The following FAT1 variants were observed in gnomAD, a reference collection of about 807,000 sequenced individuals.
The protein encoded by FAT1 is protocadherin Fat 1.
A neutral mutation model predicts 329.8 loss-of-function variants in FAT1; 171 were observed. That is an observed-to-expected ratio of 0.52 (90% CI 0.46 to 0.59). The LOEUF is 0.59. Among genes scored for constraint, FAT1 ranks in the 20% least tolerant of loss-of-function variants. The pLI is 0.00. For missense variants in FAT1, 5,672 were observed against 5,774.4 expected (o/e 0.98, Z 0.57); for synonymous variants, 2,233 against 2,228.6 (o/e 1.00, Z -0.06).
At chr4:186,725,047 A>G (rs1745672438), upstream of FAT1, among the ~76,000 whole-genome samples, 1 of 152,196 alleles carries the variant, frequency 6.6e-6, no homozygotes, top group South Asian at 2.1e-4. The surrounding 1 kb of genome is among the most constrained non-coding windows in gnomAD (Gnocchi z 5.4). Flanking sequence ...TAATGCCTGC[A>G]AGATGAGTGT....
chr4:186,713,802 T>A (rs1745082343), intron 1 of FAT1, among the ~76,000 whole-genome samples: 1 of 152,176 alleles, frequency 6.6e-6, no homozygotes, highest in African/African-American at 2.4e-5. Context: ...CGTCTGTAGA[T>A]TTAGACTGAC....
chr4:186,639,533 G>C (rs1033362178), intron 4 of FAT1, among the ~76,000 whole-genome samples, 189 bp downstream of exon 4: 3 of 152,162 alleles, frequency 2.0e-5, no homozygotes, highest in Non-Finnish European at 4.4e-5. Flanking sequence ...GGTATTGAGG[G>C]ATAAAGGGGA....
intron 4 of FAT1, among the ~76,000 whole-genome samples, chr4:186,639,430 T>C (rs1393015586): frequency 6.6e-6 from 1 of 152,174 alleles, no homozygotes; most frequent in Admixed American, 6.5e-5. Context: ...CACATGACAC[T>C]GTTTATAGAT....
chr4:186,593,091 C>T (rs1738320624), intron 26 of FAT1, among the ~76,000 whole-genome samples: 1 of 152,180 alleles, frequency 6.6e-6, no homozygotes, highest in African/African-American at 2.4e-5. Context: ...ATCTTACAGG[C>T]AAGACTCGAC....
chr4:186,670,495 G>T (rs1303416904), intron 2 of FAT1, among the ~76,000 whole-genome samples: 1 of 152,132 alleles, frequency 6.6e-6, no homozygotes. Flanking sequence ...CACGGAAAAA[G>T]AAGAGACATA....
intron 2 of FAT1, among the ~76,000 whole-genome samples, chr4:186,690,823 G>A (rs749099933): frequency 1.1e-4 from 17 of 152,096 alleles, no homozygotes; most frequent in Non-Finnish European, 2.2e-4. Context: ...CTGTAAGGGT[G>A]GAATATACAC....
chr4:186,604,452 A>G lies in FAT1; in HGVS notation c.10473T>C (p.Val3491=). ...ATGTCAGGAGGACTCCTTGCGGGTT[A>G]ACTTCAAAAGCCTTCTCATCATTTC... The part of the protein sequence containing the change: ...VTGNDEKAFE[V]NPQGVLLTSS... The change falls in exon 18 of 27, where the codon GTT becomes GTC. Residue 3491 remains valine (V), a synonymous_variant. Coordinates refer to ENST00000441802, the MANE Select transcript of FAT1 (RefSeq NM_005245.4). 1 of 1,613,976 alleles carries G rather than the reference A, an allele frequency of 6.2e-7. No homozygotes were observed. Among genetic ancestry groups the G allele is most frequent in the Non-Finnish European group, 8.5e-7 (1 of 1,179,872 alleles).
chr4:186,650,642 T>G (rs1741594879), intron 3 of FAT1, among the ~76,000 whole-genome samples: 1 of 152,174 alleles, frequency 6.6e-6, no homozygotes, highest in African/African-American at 2.4e-5. Context: ...AAACTGTCCT[T>G]TCGATTTTAA....
intron 6 of FAT1, among the ~76,000 whole-genome samples, chr4:186,634,801 C>T (rs1260747098): frequency 6.6e-6 from 1 of 152,238 alleles, no homozygotes; most frequent in East Asian, 1.9e-4. Context: ...GCAAGCGTGT[C>T]TCCTGGCACA....
chr4:186,607,158 C>T (rs1224908868), intron 16 of FAT1, among the ~76,000 whole-genome samples: 1 of 152,192 alleles, frequency 6.6e-6, no homozygotes, highest in African/African-American at 2.4e-5. Flanking sequence ...CTATCTCCCC[C>T]CAAATTCCTT....
At chr4:186,692,943 T>C (rs2126662774) in intron 2 of FAT1, among the ~76,000 whole-genome samples, 1 of 152,324 alleles carries the variant, frequency 6.6e-6, no homozygotes, top group African/African-American at 2.4e-5. Context: ...ATAACTGGAA[T>C]TCTCCAATTC....
intron 2 of FAT1, among the ~76,000 whole-genome samples, chr4:186,671,432 T>A (rs902946269): frequency 1.3e-5 from 2 of 152,186 alleles, no homozygotes; most frequent in Non-Finnish European, 2.9e-5. Context: ...GCATGGTGGC[T>A]CATGCCTGTA....
At chr4:186,648,883 G>C (rs1272433285) in intron 3 of FAT1, among the ~76,000 whole-genome samples, 1 of 152,054 alleles carries the variant, frequency 6.6e-6, no homozygotes, top group Non-Finnish European at 1.5e-5. Context: ...CCTCAGTACA[G>C]GTGCTGACAG....
In FAT1 at chr4:186,619,988, G is replaced by C. The variant is rs2126511247; in HGVS notation, c.6598C>G (p.Pro2200Ala). ...EIAESIQVHSPVVHVQANSPE... is the reference protein window; with the variant it reads ...EIAESIQVHSAVVHVQANSPE... Reference sequence around the variant, plus strand: ...CTGTTAGCCTGCACGTGGACCACAGGGCTGTGCACCTGGATGCTCTCTGCA... The same window carrying C: ...CTGTTAGCCTGCACGTGGACCACAGCGCTGTGCACCTGGATGCTCTCTGCA... Residue 2200 changes from proline to alanine, a missense_variant, in exon 10 of 27, where the codon CCT becomes GCT. Physicochemically the swap from Pro to Ala is conservative, Grantham distance 27. Transcript: ENST00000441802. 1 of 1,613,956 alleles carries C rather than the reference G, an allele frequency of 6.2e-7. No individual in the cohort carries two copies. Among genetic ancestry groups the C allele is most frequent in the Non-Finnish European group, 8.5e-7 (1 of 1,179,884 alleles).
At position 186,619,181 on chromosome 4, in the gene FAT1, C is replaced by T; in HGVS notation, c.7405G>A (p.Asp2469Asn). 1 of 1,613,966 alleles carries T rather than the reference C, an allele frequency of 6.2e-7. No individual in the cohort carries two copies. The highest frequency in any genetic ancestry group is 8.5e-7 in the Non-Finnish European group (1 of 1,179,896). ...PFYSLNLSVS[D>N]GVFRSSTQVH... Reference sequence around the variant, plus strand: ...TGGGTGGAACTTCTAAAAACTCCATCAGACACTGACAGGTTAAGACTGTAA... The same window carrying T: ...TGGGTGGAACTTCTAAAAACTCCATTAGACACTGACAGGTTAAGACTGTAA... The change falls in exon 10 of 27, where the codon GAT (aspartate) becomes AAT (asparagine). Residue 2469 changes from aspartate to asparagine, a missense_variant. This residue lies in a region of FAT1 where 3,966 missense variants were observed against 3,915.2 expected (regional missense o/e 1.01). Coordinates refer to ENST00000441802, the MANE Select transcript of FAT1 (RefSeq NM_005245.4).
At chr4:186,639,215 C>T (rs539305792) in intron 4 of FAT1, among the ~76,000 whole-genome samples, 2 of 152,120 alleles carry the variant, frequency 1.3e-5, no homozygotes, top group Non-Finnish European at 1.5e-5. Flanking sequence ...TTAAGAAGCA[C>T]AAACTAAGTA....
chr4:186,718,943 C>A (rs1000314824), intron 1 of FAT1, among the ~76,000 whole-genome samples: 2 of 152,132 alleles, frequency 1.3e-5, no homozygotes, highest in Non-Finnish European at 2.9e-5. Context: ...TTTCATGACA[C>A]CTTTGACACC....
chr4:186,716,674 T>TC (rs1745222666), intron 1 of FAT1, among the ~76,000 whole-genome samples: 1 of 152,232 alleles, frequency 6.6e-6, no homozygotes, highest in Admixed American at 6.5e-5. Flanking sequence ...TGCCTGGACC[T>TC]CCCAAAATGT....
chr4:186,631,135 C>T (rs1211721252), intron 7 of FAT1, among the ~76,000 whole-genome samples: 3 of 152,320 alleles, frequency 2.0e-5, no homozygotes, highest in Admixed American at 1.3e-4. Context: ...CTGCCCCTGA[C>T]CTGGATACAC....
Sources: allele counts gnomAD v4.1 joint callset (sites outside exome capture counted in the v4.1 genomes callset), GRCh38; gene constraint gnomAD v4.1.1; regional missense constraint gnomAD v4.1.1; non-coding constraint Gnocchi (gnomAD v3.1); transcripts MANE v1.5; gene names NCBI Gene and HGNC (gene_info 2026-07-23, HGNC 2026-07-21).